SLC26A5: variants seen among roughly 807,000 people sequenced by gnomAD.
SLC26A5 encodes the protein solute carrier family 26 member 5.
SLC26A5 carries 51 observed loss-of-function variants against 81.0 expected under a neutral mutation model. That is an observed-to-expected ratio of 0.63 (90% CI 0.50 to 0.80). SLC26A5 has a LOEUF of 0.80. SLC26A5 is among the 30% of genes least tolerant of loss of function. The pLI is 0.00. For synonymous variants in SLC26A5, 325 were observed against 332.8 expected (o/e 0.98, Z 0.25); for missense variants, 771 against 905.8 (o/e 0.85, Z 1.91).
chr7:103,409,162 T>C (rs1824285292), intron 7 of SLC26A5, among the ~76,000 whole-genome samples: 1 of 152,246 alleles, frequency 6.6e-6, no homozygotes, highest in Non-Finnish European at 1.5e-5. Flanking sequence ...TCAACACAAA[T>C]TGTAATTGAC....
intron 14 of SLC26A5, among the ~76,000 whole-genome samples, chr7:103,387,418 C>A (rs1296835387): frequency 6.6e-6 from 1 of 152,176 alleles, no homozygotes. Context: ...CAACCATAGG[C>A]AAAACCACAC....
intron 2 of SLC26A5, among the ~76,000 whole-genome samples, chr7:103,433,165 A>T (rs1283871999): frequency 1.3e-5 from 2 of 152,152 alleles, no homozygotes; most frequent in African/African-American, 4.8e-5. Flanking sequence ...TGTGGGCCTG[A>T]AGCCAAATTT....
chr7:103,358,380 G>T (rs1820164203), intron 19 of SLC26A5, among the ~76,000 whole-genome samples: 1 of 152,096 alleles, frequency 6.6e-6, no homozygotes, highest in African/African-American at 2.4e-5. Flanking sequence ...AAATCTTCTT[G>T]AAACTATTTG....
chr7:103,398,912 T>C (rs955122292), intron 8 of SLC26A5, among the ~76,000 whole-genome samples: 1 of 152,252 alleles, frequency 6.6e-6, no homozygotes, highest in African/African-American at 2.4e-5. Flanking sequence ...ATTATTTTCA[T>C]CACCCTTAAT....
chr7:103,390,975 C>T (rs1252861724), intron 11 of SLC26A5, among the ~76,000 whole-genome samples: 1 of 151,752 alleles, frequency 6.6e-6, no homozygotes, highest in Non-Finnish European at 1.5e-5. Context: ...AAGCGATTCT[C>T]CCGCCTCAGC....
chr7:103,390,212 C>G (rs865900144), intron 12 of SLC26A5, among the ~76,000 whole-genome samples: 2 of 152,014 alleles, frequency 1.3e-5, no homozygotes, highest in African/African-American at 4.8e-5. Flanking sequence ...ATAAGGAAAC[C>G]GAGACTCAGA....
At chr7:103,419,501 T>A (rs897927161) in intron 4 of SLC26A5, among the ~76,000 whole-genome samples, 13 of 152,044 alleles carry the variant, frequency 8.6e-5, no homozygotes, top group African/African-American at 2.9e-4. Flanking sequence ...ATTCTTGACC[T>A]GAGTCAGGTC....
intron 19 of SLC26A5, among the ~76,000 whole-genome samples, chr7:103,375,255 G>A (rs556551785): frequency 1.2e-4 from 18 of 151,512 alleles, no homozygotes; most frequent in African/African-American, 4.4e-4. Context: ...GATGTCCCTA[G>A]TTTATTTAAC....
chr7:103,416,800 C>T (rs73414107), intron 4 of SLC26A5, among the ~76,000 whole-genome samples: 10,391 of 151,898 alleles, frequency 0.068, 1,137 homozygotes, highest in African/African-American at 0.24. Flanking sequence ...CTTTTATTGT[C>T]ATTTTAGAGG....
chr7:103,436,451 C>T (rs1826460109), intron 2 of SLC26A5, among the ~76,000 whole-genome samples: 2 of 152,136 alleles, frequency 1.3e-5, no homozygotes, highest in African/African-American at 2.4e-5. Context: ...ACCAATTAAA[C>T]GTATCAGGCC....
intron 2 of SLC26A5, among the ~76,000 whole-genome samples, chr7:103,423,133 G>T (rs1355437350): frequency 6.6e-6 from 1 of 150,996 alleles, no homozygotes; most frequent in African/African-American, 2.4e-5. Flanking sequence ...TTAGCTGGGA[G>T]TGGTGATGCA....
chr7:103,353,885 C>G, intron 19 of SLC26A5: 1 of 1,569,662 alleles, frequency 6.4e-7, no homozygotes, highest in Non-Finnish European at 8.7e-7. Flanking sequence ...ATTCTAGTTT[C>G]TTTTTGAATC....
chr7:103,400,972 T>C (rs1436034032), intron 8 of SLC26A5, among the ~76,000 whole-genome samples: 2 of 152,220 alleles, frequency 1.3e-5, no homozygotes, highest in Non-Finnish European at 2.9e-5. Context: ...AGCCTTGTAG[T>C]ATAGTTTGAA....
intron 19 of SLC26A5, among the ~76,000 whole-genome samples, chr7:103,358,503 T>G (rs1344625467): frequency 6.6e-6 from 1 of 152,142 alleles, no homozygotes; most frequent in Non-Finnish European, 1.5e-5. Context: ...CTGTTTTTCT[T>G]CTTTTTGCCT....
chr7:103,399,578 A>T (rs1823414104), intron 8 of SLC26A5, among the ~76,000 whole-genome samples: 1 of 152,068 alleles, frequency 6.6e-6, no homozygotes, highest in South Asian at 2.1e-4. Flanking sequence ...TCTTTTTTAA[A>T]TTTTTAAATT....
chr7:103,389,440 T>A lies in SLC26A5; in HGVS notation c.1312-16A>T, dbSNP rs1822466351. Reference sequence around the variant, plus strand: ...ACAGCACAGCCTGAAACAGAGCACATCCCCCATGCCTCTCCTCTTGTGTCC... The same window carrying A: ...ACAGCACAGCCTGAAACAGAGCACAACCCCCATGCCTCTCCTCTTGTGTCC... On this transcript the variant is annotated splice_polypyrimidine_tract_variant and intron_variant, in intron 12 of 19. Coordinates refer to ENST00000306312, the MANE Select transcript of SLC26A5 (RefSeq NM_198999.3). The A allele has an allele frequency of 3.8e-6, 6 of 1,586,338 alleles. No individual in the cohort carries two copies. In the East Asian group the frequency reaches 1.1e-4, roughly 30 times the overall value.
chr7:103,394,443 G>C (rs1400294593), intron 9 of SLC26A5, among the ~76,000 whole-genome samples: 1 of 152,222 alleles, frequency 6.6e-6, no homozygotes, highest in Non-Finnish European at 1.5e-5. Context: ...AACTAAGAGG[G>C]AAGGCCTAGC....
chr7:103,354,876 C>T (rs1158502968), intron 19 of SLC26A5: 2 of 1,611,440 alleles, frequency 1.2e-6, no homozygotes, highest in South Asian at 1.1e-5. Flanking sequence ...AGGGTCAGAG[C>T]ACTTACTCTA....
intron 19 of SLC26A5, among the ~76,000 whole-genome samples, chr7:103,362,968 A>C (rs10279441): frequency 0.064 from 9,707 of 151,780 alleles, 463 homozygotes; most frequent in African/African-American, 0.14. Context: ...TAATTTTTGT[A>C]TTTTTAGTAG....
Sources: allele counts gnomAD v4.1 joint callset (sites outside exome capture counted in the v4.1 genomes callset), GRCh38; gene constraint gnomAD v4.1.1; transcripts MANE v1.5; gene names NCBI Gene and HGNC (gene_info 2026-07-23, HGNC 2026-07-21).